The following ABI3BP variants were observed in gnomAD, a reference collection of about 807,000 sequenced individuals.
ABI3BP encodes the protein ABI family member 3 binding protein, also known as target of Nesh-SH3.
Under a neutral mutation model 268.6 loss-of-function variants are expected in ABI3BP, and 216 were observed. The ratio of observed to expected loss-of-function variants is 0.80; its 90% CI spans 0.72 to 0.90. The LOEUF (loss-of-function observed/expected upper bound fraction) is 0.90, where lower values mean the gene tolerates loss of function less well. Ranked by LOEUF, ABI3BP falls within the 40% of genes least tolerant of loss-of-function variation. The pLI, the probability that ABI3BP is intolerant of heterozygous loss-of-function variation, is 0.00. For synonymous variants in ABI3BP, 730 were observed against 730.0 expected (o/e 1.00, Z 0.00); for missense variants, 2,090 against 2,182.4 (o/e 0.96, Z 0.84).
At chr3:100,969,541 A>G (rs1325900379) in intron 1 of ABI3BP, among the ~76,000 whole-genome samples, 1 of 152,222 alleles carries the variant, frequency 6.6e-6, no homozygotes, top group Non-Finnish European at 1.5e-5. Flanking sequence ...TCAATCACAA[A>G]TAATAAATGC....
chr3:100,777,360 T>G (rs2096734210), intron 59 of ABI3BP, among the ~76,000 whole-genome samples: 1 of 152,180 alleles, frequency 6.6e-6, no homozygotes, highest in Non-Finnish European at 1.5e-5. Flanking sequence ...CAGTATGAGG[T>G]AAAGCTTCTG....
chr3:100,763,069 CTGAA>C (rs1377552784), intron 63 of ABI3BP, among the ~76,000 whole-genome samples: 3 of 152,166 alleles, frequency 2.0e-5, no homozygotes, highest in Non-Finnish European at 4.4e-5. Context: ...AATAGACACA[CTGAA>C]TGACCTCAAA....
At chr3:100,771,951 A>G (rs1577134410) in intron 61 of ABI3BP, among the ~76,000 whole-genome samples, 2 of 152,214 alleles carry the variant, frequency 1.3e-5, no homozygotes, top group East Asian at 3.8e-4. Context: ...ACTATATGCC[A>G]GTCATAATCA....
rs183777870 is a variant in ABI3BP, at chr3:100,820,086, G to A, written c.3031+134C>T. ...GTGTTCTCCTTTGCTAACTCAACAG[G>A]GGGAGCAGTAGCACATCTTTTGTGC... is the stretch of plus-strand genomic sequence containing the variant. On this transcript the variant is annotated intron_variant, in intron 40 of 67. Transcript: ENST00000471714. 1.8e-5 allele frequency: 13 copies of A among 715,130 alleles called. No homozygotes were observed. In the East Asian group the frequency reaches 2.2e-4, roughly 12 times the overall value. 44.3% of individuals were successfully genotyped at this position (715,130 alleles called of 1,614,324 possible).
chr3:100,973,734 G>A (rs2084783885), intron 1 of ABI3BP, among the ~76,000 whole-genome samples: 1 of 152,102 alleles, frequency 6.6e-6, no homozygotes, highest in Non-Finnish European at 1.5e-5. Flanking sequence ...AGCCTCAAAT[G>A]GCAAAAACTA....
chr3:100,852,008 G>T, intron 14 of ABI3BP, 68 bp from the exon 15 acceptor site: 1 of 1,352,206 alleles, frequency 7.4e-7, no homozygotes, highest in Non-Finnish European at 1.0e-6. Flanking sequence ...AATTTAGAAA[G>T]ATTACATGAC....
chr3:100,893,453 G>A (rs1161617258), intron 4 of ABI3BP, among the ~76,000 whole-genome samples: 1 of 152,036 alleles, frequency 6.6e-6, no homozygotes, highest in Admixed American at 6.5e-5. Flanking sequence ...GGTTAAAGGG[G>A]CAAGAGGAAA....
chr3:100,823,620 A>AAAAC (rs1052773000), intron 36 of ABI3BP, 106 bp from the exon 37 acceptor site: 76 of 617,132 alleles, frequency 1.2e-4, no homozygotes, highest in Non-Finnish European at 1.7e-4. Flanking sequence ...CCAGAGAAAC[A>AAAAC]AAAAAAAAAT....
rs370827469 is a variant in ABI3BP, at chr3:100,941,812, A to C, written c.80-15331T>G. Among the ~76,000 whole-genome samples, 101 of 152,292 alleles carry C rather than the reference A, an allele frequency of 6.6e-4. 2 individuals carry two copies. The South Asian group carries it at 0.019, about 28-fold the overall frequency. ...TTCAAAGACTACTTTCTAAATCAAC[A>C]GTCTCTCATTTTCAAGAAGACACCT... is the stretch of plus-strand genomic sequence containing the variant. On this transcript the variant is annotated intron_variant, in intron 1 of 67. Coordinates refer to ENST00000471714, the MANE Select transcript of ABI3BP (RefSeq NM_001375547.2).
intron 34 of ABI3BP, among the ~76,000 whole-genome samples, chr3:100,826,403 G>T (rs2098385933): frequency 6.6e-6 from 1 of 152,088 alleles, no homozygotes; most frequent in Admixed American, 6.6e-5. Context: ...TCATGAGATG[G>T]TCATCATCTT....
intron 62 of ABI3BP, among the ~76,000 whole-genome samples, chr3:100,767,566 T>C (rs1030007221): frequency 1.4e-5 from 2 of 142,346 alleles, no homozygotes; most frequent in Non-Finnish European, 3.1e-5. Flanking sequence ...TAGAAAAAGA[T>C]GGAAGGACTT....
rs1387029907 is a variant in ABI3BP, at chr3:100,840,082, C to T, written c.1887G>A (p.Lys629=). 1 of 1,270,022 alleles carries T rather than the reference C, an allele frequency of 7.9e-7. No homozygotes were observed. Among genetic ancestry groups the T allele is most frequent in the African/African-American group, 1.6e-5 (1 of 61,416 alleles). The allele number at this position is 1,270,022 out of a possible 1,614,324, so 78.7% of individuals were successfully genotyped here. The change falls in exon 23 of 68, where the codon AAG becomes AAA. Residue 629 remains lysine (K), a synonymous_variant. Coordinates refer to ENST00000471714, the MANE Select transcript of ABI3BP (RefSeq NM_001375547.2). ...PKTTPSPEVP[K]SKPALEPATI... ...GAATATCACATTTACCGGGTTTGGA[C>T]TTGGGCACTTCTGGACTAGGTGTGG...
intron 14 of ABI3BP, among the ~76,000 whole-genome samples, chr3:100,861,745 C>T (rs1209850789): frequency 6.6e-6 from 1 of 151,198 alleles, no homozygotes; most frequent in African/African-American, 2.4e-5. Context: ...GAAACCAATA[C>T]CTTCCAAAAG....
chr3:100,967,816 AAT>A (rs1481214870), intron 1 of ABI3BP, among the ~76,000 whole-genome samples: 2 of 152,218 alleles, frequency 1.3e-5, no homozygotes, highest in African/African-American at 4.8e-5. Flanking sequence ...GCAAATAGAC[AAT>A]AGTTTTCAGA....
At chr3:100,895,303 C>A (rs2047146017) in intron 4 of ABI3BP, among the ~76,000 whole-genome samples, 1 of 152,074 alleles carries the variant, frequency 6.6e-6, no homozygotes, top group African/African-American at 2.4e-5. Context: ...AGAAAGGAAT[C>A]TTAAAGCATG....
At chr3:100,820,153 T>C (rs2098177538) in intron 40 of ABI3BP, 67 bp downstream of exon 40, 2 of 1,341,416 alleles carry the variant, frequency 1.5e-6, no homozygotes, top group Non-Finnish European at 2.1e-6. Context: ...ACTCCCATCA[T>C]TGGCATCAGT....
Position 100,940,829 on chromosome 3 carries a change from T to TATATATATATATATATATATATATAG in ABI3BP, c.80-14349_80-14348insCTATATATATATATATATATATATAT, listed in dbSNP as rs1244113888. On this transcript the variant is annotated intron_variant, in intron 1 of 67. Coordinates refer to ENST00000471714, the MANE Select transcript of ABI3BP (RefSeq NM_001375547.2). ...ATATATATATATATATATATATATATATGATATGATGAGTCAGGAATTTAA... is the reference window on the plus strand; with the variant it reads ...ATATATATATATATATATATATATATATATATATATATATATATATATATAGATGATATGATGAGTCAGGAATTTAA... Among the ~76,000 whole-genome samples the TATATATATATATATATATATATATAG allele has an allele frequency of 4.8e-4, 20 of 41,252 alleles. 9 individuals are homozygous for TATATATATATATATATATATATATAG. The highest frequency in any genetic ancestry group is 6.2e-4 in the African/African-American group (7 of 11,350). 27.1% of individuals were successfully genotyped at this position (41,252 alleles called of 152,430 possible).
At chr3:100,890,995 T>TG (rs1420098951) in intron 4 of ABI3BP, among the ~76,000 whole-genome samples, 1 of 151,932 alleles carries the variant, frequency 6.6e-6, no homozygotes, top group African/African-American at 2.4e-5. Context: ...TTTTTTTTTT[T>TG]TTTTGTAGAC....
At chr3:100,962,165 G>A (rs1258822266) in intron 1 of ABI3BP, among the ~76,000 whole-genome samples, 1 of 151,998 alleles carries the variant, frequency 6.6e-6, no homozygotes, top group East Asian at 1.9e-4. Context: ...TCTGACTTCT[G>A]TCTCCTCACT....
Sources: allele counts gnomAD v4.1 joint callset (sites outside exome capture counted in the v4.1 genomes callset), GRCh38; gene constraint gnomAD v4.1.1; transcripts MANE v1.5; gene names NCBI Gene and HGNC (gene_info 2026-07-23, HGNC 2026-07-21).